The following RNF157 variants were observed in gnomAD, a reference collection of about 807,000 sequenced individuals.
RNF157 encodes the protein E3 ubiquitin ligase RNF157.
A neutral mutation model predicts 88.3 loss-of-function variants in RNF157; 55 were observed. The ratio of observed to expected loss-of-function variants is 0.62; its 90% CI spans 0.50 to 0.78. The LOEUF is 0.78. Among genes scored for constraint, RNF157 ranks in the 30% least tolerant of loss-of-function variants. The probability of loss-of-function intolerance (pLI) is 0.00; values close to 1 mark genes in which losing one functional copy is unlikely to be tolerated. For missense variants in RNF157, 788 were observed against 860.8 expected (o/e 0.92, Z 1.06); for synonymous variants, 334 against 341.2 (o/e 0.98, Z 0.23).
intron 2 of RNF157, among the ~76,000 whole-genome samples, chr17:76,181,315 T>C (rs933559662): frequency 1.3e-5 from 2 of 152,218 alleles, no homozygotes; most frequent in Non-Finnish European, 2.9e-5. Flanking sequence ...TATGCTTAGA[T>C]GGCAGTATGT....
intron 1 of RNF157, among the ~76,000 whole-genome samples, chr17:76,217,431 G>A (rs1395936102): frequency 6.6e-6 from 1 of 152,076 alleles, no homozygotes; most frequent in Non-Finnish European, 1.5e-5. Context: ...TTAGACAAAT[G>A]AGAAAAGCAA....
At chr17:76,191,517 G>A (rs1364371420) in intron 2 of RNF157, among the ~76,000 whole-genome samples, 2 of 149,506 alleles carry the variant, frequency 1.3e-5, no homozygotes, top group African/African-American at 5.0e-5. Context: ...GCAGAGAATT[G>A]CTTGAACCCG....
chr17:76,225,044 C>T (rs1488950895), intron 1 of RNF157, among the ~76,000 whole-genome samples: 1 of 151,970 alleles, frequency 6.6e-6, no homozygotes, highest in Non-Finnish European at 1.5e-5. Flanking sequence ...TGGTGGCGGG[C>T]ATCTGTAATC....
At chr17:76,154,634 C>G (rs777751180) in intron 16 of RNF157, 18 of 303,744 alleles carry the variant, frequency 5.9e-5, no homozygotes, top group Non-Finnish European at 9.7e-5. Flanking sequence ...GTAAAAATTA[C>G]TAAATGAAAG....
In RNF157 at chr17:76,157,244, G is replaced by A. The variant is rs34244254; in HGVS notation, c.1414-923C>T. Among the ~76,000 whole-genome samples, 1,424 of 152,336 alleles carry A rather than the reference G, an allele frequency of 9.3e-3. 9 individuals carry two copies. The highest frequency in any genetic ancestry group is 0.014 in the Non-Finnish European group (955 of 68,034). ...GCCTCCCAAAGTGCCGGGATTCCAGGCGTGAGCCTCCGCGCCCGGCCAGTC... is the reference window on the plus strand; with the variant it reads ...GCCTCCCAAAGTGCCGGGATTCCAGACGTGAGCCTCCGCGCCCGGCCAGTC... On this transcript the variant is annotated intron_variant, in intron 13 of 18. Coordinates refer to ENST00000269391, the MANE Select transcript of RNF157 (RefSeq NM_052916.3). The surrounding 1 kb of genome is among the most constrained non-coding windows in gnomAD (Gnocchi z 5.6).
At chr17:76,237,960 T>A (rs574599365) in intron 1 of RNF157, among the ~76,000 whole-genome samples, 3 of 152,052 alleles carry the variant, frequency 2.0e-5, no homozygotes, top group African/African-American at 7.2e-5. Context: ...GGCAAACACC[T>A]GTAATCCCAG....
intron 1 of RNF157, among the ~76,000 whole-genome samples, chr17:76,218,793 G>A (rs769829355): frequency 3.9e-5 from 6 of 152,036 alleles, no homozygotes; most frequent in Non-Finnish European, 8.8e-5. Flanking sequence ...AATTAGCCGG[G>A]AGTGATGGCA....
chr17:76,173,884 T>A, intron 2 of RNF157, 94 bp from the exon 3 acceptor site: 1 of 1,031,128 alleles, frequency 9.7e-7, no homozygotes, highest in Non-Finnish European at 1.5e-6. Context: ...CCCTAAGAGG[T>A]GAGGCAGGAA....
intron 2 of RNF157, among the ~76,000 whole-genome samples, chr17:76,178,086 T>C (rs2069133639): frequency 6.6e-6 from 1 of 152,264 alleles, no homozygotes; most frequent in East Asian, 1.9e-4. Context: ...ACAAGAATTT[T>C]GGACCCATGG....
chr17:76,181,960 A>T (rs536312266), intron 2 of RNF157, among the ~76,000 whole-genome samples: 2 of 152,108 alleles, frequency 1.3e-5, no homozygotes, highest in African/African-American at 4.8e-5. Context: ...AAAAACAAAG[A>T]CATTTACCCA....
intron 2 of RNF157, among the ~76,000 whole-genome samples, chr17:76,208,734 G>A (rs1405477200): frequency 6.6e-6 from 1 of 152,132 alleles, no homozygotes; most frequent in Admixed American, 6.5e-5. Context: ...CACTTTGGGA[G>A]GCCGAGATGG....
At position 76,151,134 on chromosome 17, in the gene RNF157, C is replaced by T. The variant is rs574470497; in HGVS notation, c.1921+1221G>A. On this transcript the variant is annotated intron_variant, in intron 18 of 18. Coordinates refer to ENST00000269391, the MANE Select transcript of RNF157 (RefSeq NM_052916.3). Reference sequence around the variant, plus strand: ...CCCGTGGTCAACGCTCCCTCCTCCACGCTCAGGCAGGAAGGGGGTCTTCCC... The same window carrying T: ...CCCGTGGTCAACGCTCCCTCCTCCATGCTCAGGCAGGAAGGGGGTCTTCCC... 7.0e-4 allele frequency among the ~76,000 whole-genome samples: 106 copies of T among 152,354 alleles called. No individual in the cohort carries two copies. In the Middle Eastern group the frequency reaches 0.01, roughly 15 times the overall value.
intron 1 of RNF157, among the ~76,000 whole-genome samples, chr17:76,237,973 A>G (rs923124087): frequency 6.6e-6 from 1 of 151,874 alleles, no homozygotes; most frequent in African/African-American, 2.4e-5. Flanking sequence ...AATCCCAGCT[A>G]CTTGGGAGAC....
At chr17:76,153,949 C>T in intron 17 of RNF157, 2 of 291,266 alleles carry the variant, frequency 6.9e-6, no homozygotes, top group Non-Finnish European at 1.3e-5. Flanking sequence ...CTCTGTGGGG[C>T]TCCACTGAAA....
At chr17:76,238,837 A>G (rs1352829779) in intron 1 of RNF157, among the ~76,000 whole-genome samples, 1 of 152,216 alleles carries the variant, frequency 6.6e-6, no homozygotes, top group Non-Finnish European at 1.5e-5. Flanking sequence ...AGCTTTATTA[A>G]AATACTAACG....
At chr17:76,220,088 G>T (rs886497460) in intron 1 of RNF157, among the ~76,000 whole-genome samples, 7 of 152,064 alleles carry the variant, frequency 4.6e-5, no homozygotes, top group African/African-American at 1.7e-4. Context: ...AACAAAGTAG[G>T]AGGGGGTGCC....
At chr17:76,171,465 T>A (rs1251406020) in intron 3 of RNF157, among the ~76,000 whole-genome samples, 1 of 151,992 alleles carries the variant, frequency 6.6e-6, no homozygotes, top group Admixed American at 6.6e-5. Context: ...TGGGATTACA[T>A]GCATGAGCCA....
chr17:76,195,937 A>C lies in RNF157; in HGVS notation c.207+16427T>G, dbSNP rs2069470449. ...TACTATTGCCACGGCAACACCTGGA[A>C]GTTACCACCCTCTTTCATGGCAATG... On this transcript the variant is annotated intron_variant, in intron 2 of 18. Coordinates refer to ENST00000269391, the MANE Select transcript of RNF157 (RefSeq NM_052916.3). The surrounding 1 kb of genome is among the most constrained non-coding windows in gnomAD (Gnocchi z 4.4). Among the ~76,000 whole-genome samples the C allele has an allele frequency of 2.0e-5, 3 of 152,350 alleles. No homozygotes were observed. The highest frequency in any genetic ancestry group is 4.1e-4 in the South Asian group (2 of 4,830).
At chr17:76,173,839 C>A in intron 2 of RNF157, 49 bp from the exon 3 acceptor site, 1 of 1,476,174 alleles carries the variant, frequency 6.8e-7, no homozygotes, top group South Asian at 1.2e-5. Flanking sequence ...AAAAGACCCA[C>A]AGCTGTCCCT....
Sources: gnomAD v4.1 joint callset for allele counts (sites outside exome capture counted in the v4.1 genomes callset) on GRCh38, gnomAD v4.1.1 for gene constraint, Gnocchi (gnomAD v3.1) non-coding constraint, MANE v1.5 for transcripts, NCBI Gene and HGNC (gene_info 2026-07-23, HGNC 2026-07-21) for gene names.